The following BTBD9 variants were observed in gnomAD, a reference collection of about 807,000 sequenced individuals.
The protein encoded by BTBD9 is BTB/POZ domain-containing protein 9.
In BTBD9, 49 loss-of-function variants were observed where a neutral mutation model predicts 64.3. That is an observed-to-expected ratio of 0.76 (90% confidence interval 0.61 to 0.97). The LOEUF is 0.97. Among genes scored for constraint, BTBD9 ranks in the 50% least tolerant of loss-of-function variants. The pLI is 0.00. For missense variants in BTBD9, 598 were observed against 762.1 expected, an observed-to-expected ratio of 0.78 and a Z score of 2.53; for synonymous variants, 260 against 274.7, an observed-to-expected ratio of 0.95 and a Z score of 0.53.
At chr6:38,630,471 T>TGCAC (rs1778325438) in intron 1 of BTBD9, among the ~76,000 whole-genome samples, 1 of 152,200 alleles carries the variant, frequency 6.6e-6, no homozygotes, top group Non-Finnish European at 1.5e-5. Context: ...AAGGATTGGG[T>TGCAC]ATTATATCTG....
At position 38,175,099 on chromosome 6, in the gene BTBD9, G is replaced by A. The variant is rs760087802; in HGVS notation, c.1725C>T (p.Asp575=). ...EENSEESGTG[D]TSLAGQQLDS... ...CGAGCTGCTGACCGGCCAGGCTGGT[G>A]TCCCCTGTCCCCGATTCCTCACTAT... The change falls in exon 11 of 11, where the codon GAC becomes GAT. Residue 575 remains aspartate (D), a synonymous_variant. Coordinates refer to ENST00000481247, the MANE Select transcript of BTBD9 (RefSeq NM_001099272.2). The A allele has an allele frequency of 1.5e-5, 25 of 1,614,122 alleles. No homozygotes were observed. The highest frequency in any genetic ancestry group is 1.6e-4 in the Middle Eastern group (1 of 6,084).
At chr6:38,465,756 T>C (rs1382003620) in intron 6 of BTBD9, among the ~76,000 whole-genome samples, 1 of 41,944 alleles carries the variant, frequency 2.4e-5, no homozygotes, top group Non-Finnish European at 4.3e-5. Flanking sequence ...TATATATATA[T>C]GTATGTATGT....
At chr6:38,303,410 A>G (rs557656500) in intron 7 of BTBD9, among the ~76,000 whole-genome samples, 1 of 152,310 alleles carries the variant, frequency 6.6e-6, no homozygotes, top group South Asian at 2.1e-4. Context: ...TCTTTTGCAC[A>G]TATGGAATAT....
chr6:38,216,931 T>C (rs1000256301), intron 9 of BTBD9, among the ~76,000 whole-genome samples: 2 of 151,948 alleles, frequency 1.3e-5, no homozygotes, highest in East Asian at 1.9e-4. Context: ...TCAGATTCAG[T>C]AGGTAGGAGA....
intron 7 of BTBD9, among the ~76,000 whole-genome samples, chr6:38,290,701 C>G (rs1013168981): frequency 6.6e-6 from 1 of 152,078 alleles, no homozygotes; most frequent in Non-Finnish European, 1.5e-5. Flanking sequence ...AAACTCTTCC[C>G]CAAAAGTAAT....
At chr6:38,550,752 T>C (rs1296164301) in intron 6 of BTBD9, among the ~76,000 whole-genome samples, 2 of 152,204 alleles carry the variant, frequency 1.3e-5, no homozygotes, top group Non-Finnish European at 2.9e-5. Context: ...TTTGTCTAAA[T>C]TATTCTTGTT....
chr6:38,587,102 C>A (rs1180241510), intron 4 of BTBD9, among the ~76,000 whole-genome samples: 1 of 151,768 alleles, frequency 6.6e-6, no homozygotes, highest in Non-Finnish European at 1.5e-5. Context: ...TAGAAAATAA[C>A]CTATTTTTGG....
intron 6 of BTBD9, among the ~76,000 whole-genome samples, chr6:38,496,516 G>A (rs1771964075): frequency 2.0e-5 from 3 of 151,894 alleles, no homozygotes; most frequent in Admixed American, 2.0e-4. Flanking sequence ...GGGCACGGTG[G>A]CACACACATG....
chr6:38,391,791 A>C (rs560758618), intron 6 of BTBD9, among the ~76,000 whole-genome samples: 17 of 152,192 alleles, frequency 1.1e-4, no homozygotes, highest in Non-Finnish European at 2.1e-4. Flanking sequence ...AGTAAAGCGA[A>C]AAGGCAGGTG....
intron 1 of BTBD9, among the ~76,000 whole-genome samples, chr6:38,636,462 T>C (rs572817080): frequency 1.3e-5 from 2 of 152,320 alleles, no homozygotes; most frequent in South Asian, 4.1e-4. Flanking sequence ...TTCAAACCTG[T>C]TCCTCTTCCT....
intron 7 of BTBD9, among the ~76,000 whole-genome samples, chr6:38,308,626 C>G (rs757871812): frequency 3.3e-5 from 5 of 152,000 alleles, no homozygotes; most frequent in Non-Finnish European, 7.4e-5. Context: ...TTTTTTGAAG[C>G]AGGGTCTCAC....
chr6:38,506,680 A>G (rs1051506153), intron 6 of BTBD9, among the ~76,000 whole-genome samples: 5 of 152,232 alleles, frequency 3.3e-5, no homozygotes, highest in African/African-American at 1.2e-4. Flanking sequence ...TGCCACCAGC[A>G]TAATCCAATC....
chr6:38,240,875 C>T (rs889172728), intron 9 of BTBD9, among the ~76,000 whole-genome samples: 1 of 152,112 alleles, frequency 6.6e-6, no homozygotes, highest in African/African-American at 2.4e-5. Flanking sequence ...CACGCTCAAA[C>T]GGGCAGAGGC....
intron 1 of BTBD9, among the ~76,000 whole-genome samples, chr6:38,602,275 G>A (rs563897821): frequency 1.0e-3 from 156 of 152,148 alleles, no homozygotes; most frequent in African/African-American, 3.2e-3. Context: ...ATGGATGTCA[G>A]CTTCAGCACT....
Position 38,243,361 on chromosome 6 carries a change from C to T in BTBD9, c.1562+13048G>A, listed in dbSNP as rs1384449452. On this transcript the variant is annotated intron_variant, in intron 9 of 10. Coordinates refer to ENST00000481247, the MANE Select transcript of BTBD9 (RefSeq NM_001099272.2). ...CCAGGTAAGGATCGGAGGCTTTCCTCACTGAAGGTCCCTGTACAGGGATTA... is the reference window on the plus strand; with the variant it reads ...CCAGGTAAGGATCGGAGGCTTTCCTTACTGAAGGTCCCTGTACAGGGATTA... Among the ~76,000 whole-genome samples the T allele has an allele frequency of 2.6e-5, 4 of 152,188 alleles. No homozygotes were observed. The East Asian group carries it at 7.7e-4, about 29-fold the overall frequency.
At chr6:38,271,393 G>GATT (rs1214340378) in intron 8 of BTBD9, among the ~76,000 whole-genome samples, 1 of 151,916 alleles carries the variant, frequency 6.6e-6, no homozygotes, top group East Asian at 1.9e-4. Flanking sequence ...TCAATAACAG[G>GATT]ATTATTATTA....
chr6:38,490,934 G>A (rs900683693), intron 6 of BTBD9, among the ~76,000 whole-genome samples: 3 of 152,214 alleles, frequency 2.0e-5, no homozygotes, highest in African/African-American at 7.2e-5. Flanking sequence ...TAATCTGACT[G>A]TGACTTCCTC....
intron 6 of BTBD9, among the ~76,000 whole-genome samples, chr6:38,479,575 A>G (rs1405426666): frequency 6.6e-6 from 1 of 152,130 alleles, no homozygotes; most frequent in African/African-American, 2.4e-5. Flanking sequence ...TTATGAGGTA[A>G]CACTCCCTTT....
In BTBD9 at chr6:38,301,714, G is replaced by A. The variant is rs146982515; in HGVS notation, c.1265-13253C>T. Among the ~76,000 whole-genome samples, 521 of 151,928 alleles carry A rather than the reference G, an allele frequency of 3.4e-3. 4 individuals are homozygous for A. The highest frequency in any genetic ancestry group is 0.012 in the African/African-American group (491 of 41,454). ...TGGGATCGGTGGTGATATCCCCTTCGTCATTTTTTATTGCGTCTATTTGAT... is the reference window on the plus strand; with the variant it reads ...TGGGATCGGTGGTGATATCCCCTTCATCATTTTTTATTGCGTCTATTTGAT... On this transcript the variant is annotated intron_variant, in intron 7 of 10. Transcript: ENST00000481247.
Sources: allele counts gnomAD v4.1 joint callset (sites outside exome capture counted in the v4.1 genomes callset), GRCh38; gene constraint gnomAD v4.1.1; transcripts MANE v1.5; gene names NCBI Gene and HGNC (gene_info 2026-07-23, HGNC 2026-07-21).